Variants in SDK1 observed in about 807,000 individuals in gnomAD.
The protein encoded by SDK1 is sidekick cell adhesion molecule 1.
In SDK1, 157 loss-of-function variants were observed where a neutral mutation model predicts 245.5. The ratio of observed to expected loss-of-function variants is 0.64; its 90% CI spans 0.56 to 0.73. SDK1 has a LOEUF of 0.73. Ranked by LOEUF, SDK1 falls within the 30% of genes least tolerant of loss-of-function variation. The pLI, the probability that SDK1 is intolerant of heterozygous loss-of-function variation, is 0.00. For synonymous variants in SDK1, 1,647 were observed against 1,278.5 expected, an observed-to-expected ratio of 1.29 and a Z score of -6.15; for missense variants, 3,583 against 3,002.3, an observed-to-expected ratio of 1.19 and a Z score of -4.52.
In SDK1 at chr7:3,347,581, T is replaced by C. The variant is rs935740095; in HGVS notation, c.298+45697T>C. Among the ~76,000 whole-genome samples the C allele has an allele frequency of 2.6e-5, 4 of 152,202 alleles. No homozygotes were observed. In the South Asian group the frequency reaches 8.3e-4, roughly 31 times the overall value. On this transcript the variant is annotated intron_variant, in intron 1 of 44. Transcript: ENST00000404826. Reference sequence around the variant, plus strand: ...ACCTCCCTGTTTCATTTCTGACCAATTTTTAGGGCCAGAGGCTAATCCACT... The same window carrying C: ...ACCTCCCTGTTTCATTTCTGACCAACTTTTAGGGCCAGAGGCTAATCCACT...
chr7:3,305,175 T>C (rs1364057143), intron 1 of SDK1, among the ~76,000 whole-genome samples: 1 of 152,224 alleles, frequency 6.6e-6, no homozygotes, highest in Non-Finnish European at 1.5e-5. Context: ...CTACTGAAAC[T>C]GTTGAGCCCC....
chr7:3,509,373 A>G lies in SDK1; in HGVS notation c.299-109707A>G, dbSNP rs1320216388. On this transcript the variant is annotated intron_variant, in intron 1 of 44. Coordinates refer to ENST00000404826, the MANE Select transcript of SDK1 (RefSeq NM_152744.4). ...CCCAGCTCTGCCAACATGTGACCTCAGGCAAATACCGTTACTTTTCTGTGT... is the reference window on the plus strand; with the variant it reads ...CCCAGCTCTGCCAACATGTGACCTCGGGCAAATACCGTTACTTTTCTGTGT... 4.6e-5 allele frequency among the ~76,000 whole-genome samples: 7 copies of G among 152,116 alleles called. No individual in the cohort carries two copies. In the East Asian group the frequency reaches 1.3e-3, roughly 29 times the overall value.
intron 1 of SDK1, among the ~76,000 whole-genome samples, chr7:3,360,180 G>C (rs1780915016): frequency 6.6e-6 from 1 of 152,180 alleles, no homozygotes; most frequent in Non-Finnish European, 1.5e-5. Flanking sequence ...TTCAGTGGTA[G>C]AATGTAAACT....
chr7:3,536,550 C>T (rs1340651885), intron 1 of SDK1, among the ~76,000 whole-genome samples: 2 of 151,856 alleles, frequency 1.3e-5, no homozygotes, highest in South Asian at 2.1e-4. Flanking sequence ...AAAAATTAGC[C>T]AGGCATGGTG....
intron 17 of SDK1, among the ~76,000 whole-genome samples, chr7:4,039,781 TAATC>T (rs1386080173): frequency 6.6e-6 from 1 of 152,188 alleles, no homozygotes; most frequent in African/African-American, 2.4e-5. Context: ...ATTCCATCAG[TAATC>T]AGATCTTGCT....
intron 40 of SDK1, among the ~76,000 whole-genome samples, chr7:4,228,686 C>T (rs1785576607): frequency 3.3e-5 from 5 of 152,134 alleles, no homozygotes; most frequent in African/African-American, 4.8e-5. Context: ...ATTACAGGAG[C>T]GTGCCATCAT....
chr7:4,178,805 T>C (rs933363695), intron 35 of SDK1, among the ~76,000 whole-genome samples: 1 of 152,224 alleles, frequency 6.6e-6, no homozygotes, highest in Non-Finnish European at 1.5e-5. Context: ...AAGTCTTGCT[T>C]TTGAGACCTA....
At chr7:3,539,590 A>G (rs771410370) in intron 1 of SDK1, among the ~76,000 whole-genome samples, 5 of 152,188 alleles carry the variant, frequency 3.3e-5, no homozygotes, top group Non-Finnish European at 7.3e-5. Flanking sequence ...CATTAAGAGC[A>G]GGGCCGTATC....
At chr7:3,477,543 CTCACTCTG>C (rs1456846752) in intron 1 of SDK1, among the ~76,000 whole-genome samples, 2 of 149,604 alleles carry the variant, frequency 1.3e-5, no homozygotes, top group Non-Finnish European at 3.0e-5. Context: ...AGATGGGGGT[CTCACTCTG>C]TCCACCAGGC....
At chr7:3,559,303 T>C (rs950079330) in intron 1 of SDK1, among the ~76,000 whole-genome samples, 14 of 152,324 alleles carry the variant, frequency 9.2e-5, no homozygotes, top group African/African-American at 3.1e-4. Context: ...TGAACAGTTC[T>C]GCTGTTTCCT....
At chr7:3,894,698 CTTTTTTT>C (rs942252289) in intron 5 of SDK1, among the ~76,000 whole-genome samples, 16 of 135,478 alleles carry the variant, frequency 1.2e-4, no homozygotes, top group African/African-American at 4.1e-4. Context: ...ACTATTTTTT[CTTTTTTT>C]TTTTTTTTTT....
chr7:3,601,162 G>A (rs950562845), intron 1 of SDK1, among the ~76,000 whole-genome samples: 1 of 152,084 alleles, frequency 6.6e-6, no homozygotes, highest in Non-Finnish European at 1.5e-5. Context: ...AAGTTTATGA[G>A]AGATACTGGT....
chr7:4,191,354 G>C lies in SDK1; in HGVS notation c.5098+12768G>C, dbSNP rs575804890. Among the ~76,000 whole-genome samples, 4 of 152,224 alleles carry C rather than the reference G, an allele frequency of 2.6e-5. No homozygotes were observed. The South Asian group carries it at 8.3e-4, about 31-fold the overall frequency. ...CAGATGCCCAGGAGACCTTGGTGGCGGGCTGGTAGTATTACTCATCTGACG... is the reference window on the plus strand; with the variant it reads ...CAGATGCCCAGGAGACCTTGGTGGCCGGCTGGTAGTATTACTCATCTGACG... On this transcript the variant is annotated intron_variant, in intron 35 of 44. Transcript: ENST00000404826.
At chr7:4,252,267 C>T (rs1479100593) in intron 44 of SDK1, among the ~76,000 whole-genome samples, 1 of 141,296 alleles carries the variant, frequency 7.1e-6, no homozygotes, top group Non-Finnish European at 1.5e-5. Flanking sequence ...TCCATGTGTG[C>T]TCATTGTTCA....
intron 4 of SDK1, among the ~76,000 whole-genome samples, chr7:3,679,753 T>A (rs1263365653): frequency 2.6e-5 from 4 of 152,182 alleles, no homozygotes; most frequent in Non-Finnish European, 4.4e-5. Context: ...AGTAACAACA[T>A]CAAATACGTC....
At chr7:3,405,973 C>T (rs963363925) in intron 1 of SDK1, among the ~76,000 whole-genome samples, 1 of 151,978 alleles carries the variant, frequency 6.6e-6, no homozygotes, top group Admixed American at 6.6e-5. Flanking sequence ...TCACTATGCC[C>T]AGCTAATTTT....
At chr7:4,086,048 C>G (rs778045224) in intron 22 of SDK1, among the ~76,000 whole-genome samples, 17 of 152,048 alleles carry the variant, frequency 1.1e-4, no homozygotes, top group Non-Finnish European at 2.1e-4. Context: ...TTTCCTTTTT[C>G]TTTTTCTTTC....
chr7:3,936,193 A>C (rs527469518), intron 5 of SDK1, among the ~76,000 whole-genome samples: 1 of 152,304 alleles, frequency 6.6e-6, no homozygotes, highest in South Asian at 2.1e-4. Context: ...TCAAGTTCAC[A>C]GAGACAGAAA....
At chr7:3,664,248 TGGGA>T (rs1468712272) in intron 4 of SDK1, among the ~76,000 whole-genome samples, 1 of 152,110 alleles carries the variant, frequency 6.6e-6, no homozygotes, top group Non-Finnish European at 1.5e-5. Flanking sequence ...GCTCCGTCAC[TGGGA>T]GGGTCTTGAC....
Sources: allele counts gnomAD v4.1 joint callset (sites outside exome capture counted in the v4.1 genomes callset), GRCh38; gene constraint gnomAD v4.1.1; transcripts MANE v1.5; gene names NCBI Gene and HGNC (gene_info 2026-07-23, HGNC 2026-07-21).